The following KLHL1 variants were observed in gnomAD, a reference collection of about 807,000 sequenced individuals.
KLHL1 encodes the protein kelch like family member 1, also known as kelch-like protein 1.
KLHL1 carries 47 observed loss-of-function variants against 77.7 expected under a neutral mutation model. The ratio of observed to expected loss-of-function variants is 0.60; its 90% CI spans 0.48 to 0.77. The LOEUF (loss-of-function observed/expected upper bound fraction) is 0.77, where lower values mean the gene tolerates loss of function less well. Ranked by LOEUF, KLHL1 falls within the 30% of genes least tolerant of loss-of-function variation. The pLI is 0.00. For missense variants in KLHL1, 925 were observed against 910.8 expected (o/e 1.02, Z -0.20); for synonymous variants, 360 against 325.2 (o/e 1.11, Z -1.15).
intron 4 of KLHL1, among the ~76,000 whole-genome samples, chr13:69,916,002 CT>C (rs1882419214): frequency 6.6e-6 from 1 of 152,204 alleles, no homozygotes. Context: ...CTCATCATCA[CT>C]GGCCATCAGA....
chr13:69,752,296 C>T (rs894751185), intron 7 of KLHL1, among the ~76,000 whole-genome samples: 2 of 152,068 alleles, frequency 1.3e-5, no homozygotes, highest in Admixed American at 1.3e-4. Context: ...TGCTAATGCA[C>T]CCCGTTGCCT....
At chr13:69,938,976 C>G (rs567502926) in intron 4 of KLHL1, among the ~76,000 whole-genome samples, 1 of 151,980 alleles carries the variant, frequency 6.6e-6, no homozygotes, top group South Asian at 2.1e-4. Context: ...CAATATTTAT[C>G]TCATTTTAAT....
At chr13:69,950,543 C>T (rs1265433321) in intron 3 of KLHL1, among the ~76,000 whole-genome samples, 1 of 151,456 alleles carries the variant, frequency 6.6e-6, no homozygotes, top group East Asian at 1.9e-4. Flanking sequence ...TCATGCAACA[C>T]TCGAGGAAAT....
intron 4 of KLHL1, among the ~76,000 whole-genome samples, chr13:69,899,158 C>G (rs1304520058): frequency 2.0e-5 from 3 of 151,864 alleles, no homozygotes; most frequent in Admixed American, 6.6e-5. Flanking sequence ...TATTGGATAT[C>G]TTTGAATTTT....
At chr13:69,772,203 C>A (rs1043694281) in intron 7 of KLHL1, among the ~76,000 whole-genome samples, 4 of 151,916 alleles carry the variant, frequency 2.6e-5, no homozygotes, top group Admixed American at 2.0e-4. Context: ...TTCAAATAAA[C>A]ATTTTATAGA....
At chr13:69,810,731 GT>G (rs1470179381) in intron 6 of KLHL1, among the ~76,000 whole-genome samples, 1 of 151,670 alleles carries the variant, frequency 6.6e-6, no homozygotes, top group Non-Finnish European at 1.5e-5. Flanking sequence ...GAAACTAAAA[GT>G]TGGTTAACAA....
At chr13:69,840,116 CTAAT>C (rs1330650973) in intron 5 of KLHL1, among the ~76,000 whole-genome samples, 4 of 151,958 alleles carry the variant, frequency 2.6e-5, no homozygotes, top group Non-Finnish European at 4.4e-5. Flanking sequence ...CAGCATGTGA[CTAAT>C]TAAATTTAAC....
At chr13:70,057,953 A>G (rs1289961506) in intron 1 of KLHL1, among the ~76,000 whole-genome samples, 2 of 152,180 alleles carry the variant, frequency 1.3e-5, no homozygotes, top group Non-Finnish European at 2.9e-5. Flanking sequence ...CCCAACATGT[A>G]CAAATCAATC....
chr13:70,099,792 T>G (rs1448992245), intron 1 of KLHL1, among the ~76,000 whole-genome samples: 1 of 152,052 alleles, frequency 6.6e-6, no homozygotes, highest in Non-Finnish European at 1.5e-5. Flanking sequence ...AATGAACAGC[T>G]TTCGTTAAAC....
In KLHL1 at chr13:70,069,054, G is replaced by T. The variant is rs189530240; in HGVS notation, c.497+38149C>A. Among the ~76,000 whole-genome samples the T allele has an allele frequency of 2.9e-4, 44 of 152,272 alleles. 1 individual carries two copies. The East Asian group carries it at 7.7e-3, about 27-fold the overall frequency. ...GGCAAACTATTAAACTATTTTGCCA[G>T]AACTAACCTATTGAGATTTTATCAA... On this transcript the variant is annotated intron_variant, in intron 1 of 10. Coordinates refer to ENST00000377844, the MANE Select transcript of KLHL1 (RefSeq NM_020866.3).
At chr13:69,943,436 C>A (rs1249719566) in intron 3 of KLHL1, among the ~76,000 whole-genome samples, 2 of 151,752 alleles carry the variant, frequency 1.3e-5, no homozygotes, top group East Asian at 3.9e-4. Flanking sequence ...AGAGCAGATA[C>A]ACTGCAGAAA....
chr13:70,047,773 A>G (rs899749317), intron 1 of KLHL1, among the ~76,000 whole-genome samples: 23 of 152,148 alleles, frequency 1.5e-4, no homozygotes, highest in Admixed American at 1.2e-3. Flanking sequence ...CGTGTTTGCA[A>G]TTATATCTTA....
At chr13:69,965,731 A>C (rs1884192976) in intron 2 of KLHL1, among the ~76,000 whole-genome samples, 1 of 152,206 alleles carries the variant, frequency 6.6e-6, no homozygotes, top group Non-Finnish European at 1.5e-5. Context: ...GTAAATTAAA[A>C]GTGCTACTCT....
intron 1 of KLHL1, among the ~76,000 whole-genome samples, chr13:69,996,959 G>A (rs903416683): frequency 8.4e-5 from 9 of 107,526 alleles, no homozygotes; most frequent in Non-Finnish European, 1.5e-4. Context: ...AGTGACTCAC[G>A]CCTGTAATCC....
chr13:70,102,078 C>T (rs945455598), intron 1 of KLHL1, among the ~76,000 whole-genome samples: 1 of 151,914 alleles, frequency 6.6e-6, no homozygotes, highest in Non-Finnish European at 1.5e-5. Flanking sequence ...AGTTTGAGAA[C>T]CACGTTCCTG....
At chr13:69,929,848 C>G (rs1424915267) in intron 4 of KLHL1, among the ~76,000 whole-genome samples, 1 of 151,660 alleles carries the variant, frequency 6.6e-6, no homozygotes, top group Non-Finnish European at 1.5e-5. Context: ...ACAATGGCAA[C>G]TCTTGATTAC....
At chr13:70,093,262 A>G (rs140898137) in intron 1 of KLHL1, among the ~76,000 whole-genome samples, 7 of 152,232 alleles carry the variant, frequency 4.6e-5, no homozygotes, top group African/African-American at 1.4e-4. Context: ...TCAAGAACCC[A>G]TCATCATAGT....
chr13:70,072,224 C>T (rs1388846268), intron 1 of KLHL1, among the ~76,000 whole-genome samples: 6 of 152,032 alleles, frequency 3.9e-5, no homozygotes, highest in African/African-American at 7.3e-5. Context: ...TCCTGAAGGA[C>T]ACAATTGACC....
chr13:69,851,830 GATCATT>G (rs1387347279), intron 5 of KLHL1, among the ~76,000 whole-genome samples: 2 of 151,686 alleles, frequency 1.3e-5, no homozygotes, highest in Non-Finnish European at 2.9e-5. Flanking sequence ...AGACTAAGAT[GATCATT>G]ATCATTAAGA....
Sources: gnomAD v4.1 joint callset for allele counts (sites outside exome capture counted in the v4.1 genomes callset) on GRCh38, gnomAD v4.1.1 for gene constraint, MANE v1.5 for transcripts, NCBI Gene and HGNC (gene_info 2026-07-23, HGNC 2026-07-21) for gene names.